GOLIM4: variants seen among roughly 807,000 people sequenced by gnomAD.
GOLIM4 encodes 130 kDa golgi-localized phosphoprotein.
GOLIM4 carries 71 observed loss-of-function variants against 107.4 expected under a neutral mutation model. The observed-to-expected ratio is 0.66, with a 90% CI of 0.55 to 0.81. GOLIM4 has a LOEUF of 0.81. Ranked by LOEUF, GOLIM4 falls within the 30% of genes least tolerant of loss-of-function variation. The pLI, the probability that GOLIM4 is intolerant of heterozygous loss-of-function variation, is 0.00. For missense variants in GOLIM4, 830 were observed against 826.1 expected (o/e 1.00, Z -0.06); for synonymous variants, 327 against 294.8 (o/e 1.11, Z -1.12).
At chr3:168,011,935 A>G (rs1253932548) in intron 14 of GOLIM4, among the ~76,000 whole-genome samples, 16 of 147,776 alleles carry the variant, frequency 1.1e-4, no homozygotes, top group African/African-American at 4.3e-4. Flanking sequence ...AAAACCACAA[A>G]GATGGGGAAA....
chr3:168,085,949 A>C (rs181872880), intron 1 of GOLIM4, among the ~76,000 whole-genome samples: 3 of 152,262 alleles, frequency 2.0e-5, no homozygotes, highest in Admixed American at 2.0e-4. Flanking sequence ...AGCATACTTG[A>C]AGAATTATAG....
At chr3:168,016,869 A>T (rs1206821469) in intron 14 of GOLIM4, among the ~76,000 whole-genome samples, 1 of 140,672 alleles carries the variant, frequency 7.1e-6, no homozygotes, top group Non-Finnish European at 1.5e-5. Context: ...AGGAAGGGGA[A>T]TATTACACTC....
chr3:168,023,175 A>G (rs1717808705), intron 14 of GOLIM4, among the ~76,000 whole-genome samples: 1 of 152,216 alleles, frequency 6.6e-6, no homozygotes, highest in Admixed American at 6.5e-5. Flanking sequence ...TCCCTCAAAG[A>G]TTCCTAGTAT....
At chr3:168,039,705 C>T (rs1012373740) in intron 7 of GOLIM4, among the ~76,000 whole-genome samples, 2 of 152,008 alleles carry the variant, frequency 1.3e-5, no homozygotes, top group Non-Finnish European at 2.9e-5. Flanking sequence ...CATTTATGGC[C>T]GTTACAGCAC....
intron 8 of GOLIM4, among the ~76,000 whole-genome samples, chr3:168,035,101 T>A (rs1286244610): frequency 6.9e-6 from 1 of 144,610 alleles, no homozygotes; most frequent in Non-Finnish European, 1.5e-5. Flanking sequence ...AAAACCACAA[T>A]GAGATATTAT....
At chr3:168,050,127 C>T (rs577659998) in intron 1 of GOLIM4, among the ~76,000 whole-genome samples, 192 of 152,240 alleles carry the variant, frequency 1.3e-3, no homozygotes, top group African/African-American at 4.4e-3. Flanking sequence ...ATGATCCTTT[C>T]CCCCTGCATT....
chr3:168,032,154 A>AT (rs1447753962), intron 9 of GOLIM4, among the ~76,000 whole-genome samples: 1 of 152,110 alleles, frequency 6.6e-6, no homozygotes, highest in Non-Finnish European at 1.5e-5. Flanking sequence ...AGAAAATGAG[A>AT]TTTTTCTCTG....
chr3:168,010,678 C>G, intron 15 of GOLIM4, 65 bp downstream of exon 15: 2 of 1,156,296 alleles, frequency 1.7e-6, no homozygotes, highest in Non-Finnish European at 2.6e-6. Context: ...ACATATATCT[C>G]TCCTATACAC....
chr3:168,016,038 A>C (rs1717344261), intron 14 of GOLIM4, among the ~76,000 whole-genome samples: 1 of 134,170 alleles, frequency 7.5e-6, no homozygotes, highest in South Asian at 2.1e-4. Flanking sequence ...AAAATTGACA[A>C]ATGGGATCTA....
At chr3:168,012,780 A>C (rs1267058935) in intron 14 of GOLIM4, among the ~76,000 whole-genome samples, 3 of 152,158 alleles carry the variant, frequency 2.0e-5, no homozygotes, top group African/African-American at 7.2e-5. Flanking sequence ...TTTCATATCC[A>C]GCCAAACTAA....
chr3:168,077,217 T>A (rs1721120208), intron 1 of GOLIM4, among the ~76,000 whole-genome samples: 1 of 152,242 alleles, frequency 6.6e-6, no homozygotes, highest in African/African-American at 2.4e-5. Flanking sequence ...ACTACTGTAA[T>A]GATACATCCA....
intron 14 of GOLIM4, among the ~76,000 whole-genome samples, chr3:168,022,855 T>C (rs1717787682): frequency 6.6e-6 from 1 of 152,118 alleles, no homozygotes; most frequent in Non-Finnish European, 1.5e-5. Flanking sequence ...TGGGGCCAGG[T>C]GCAGCAAGAG....
At chr3:168,067,836 T>C (rs1481185781) in intron 1 of GOLIM4, among the ~76,000 whole-genome samples, 1 of 151,910 alleles carries the variant, frequency 6.6e-6, no homozygotes, top group Non-Finnish European at 1.5e-5. Context: ...TCATTAAAAA[T>C]TCCCATAAGG....
intron 1 of GOLIM4, among the ~76,000 whole-genome samples, chr3:168,092,150 T>C (rs1448825921): frequency 6.6e-6 from 1 of 152,198 alleles, no homozygotes; most frequent in Non-Finnish European, 1.5e-5. Context: ...CATGGCTCAC[T>C]TGAAAGCAGT....
Position 168,022,982 on chromosome 3 carries a change from C to T in GOLIM4, c.1860+1544G>A, listed in dbSNP as rs563654779. The stretch of plus-strand genomic sequence containing the variant: ...CTCCTCTGTCTTAGCACCATTTCTC[C>T]TTTCCTCTTGCCTCTTTCTTCTCTT... On this transcript the variant is annotated intron_variant, in intron 14 of 15. Coordinates refer to ENST00000470487, the MANE Select transcript of GOLIM4 (RefSeq NM_014498.5). 2.6e-5 allele frequency among the ~76,000 whole-genome samples: 4 copies of T among 152,296 alleles called. No homozygotes were observed. In the East Asian group the frequency reaches 7.7e-4, roughly 29 times the overall value.
At chr3:168,022,296 C>G (rs62273288) in intron 14 of GOLIM4, among the ~76,000 whole-genome samples, 1 of 151,192 alleles carries the variant, frequency 6.6e-6, no homozygotes, top group African/African-American at 2.4e-5. Flanking sequence ...TAGTGGTTAG[C>G]TGGGGCAGCT....
chr3:168,047,942 C>G (rs1054364453), intron 2 of GOLIM4, among the ~76,000 whole-genome samples: 6 of 151,890 alleles, frequency 4.0e-5, no homozygotes, highest in East Asian at 1.9e-4. Context: ...TACTTCCCCC[C>G]CAACCCCAGC....
chr3:168,011,979 A>G (rs1717065285), intron 14 of GOLIM4, among the ~76,000 whole-genome samples: 1 of 148,526 alleles, frequency 6.7e-6, no homozygotes, highest in Non-Finnish European at 1.5e-5. Context: ...CTAAAAAGCA[A>G]AGCGCCTCTC....
At position 168,010,843 on chromosome 3, in the gene GOLIM4, T is replaced by A. The variant is rs892206859; in HGVS notation, c.1861-20A>T. 2 of 1,514,190 alleles carry A rather than the reference T, an allele frequency of 1.3e-6. No individual in the cohort carries two copies. Among genetic ancestry groups the A allele is most frequent in the Admixed American group, 1.7e-5 (1 of 59,826 alleles). 93.8% of individuals were successfully genotyped at this position (1,514,190 alleles called of 1,614,324 possible). A position where few individuals can be genotyped will look rare whatever the true frequency, so the allele number is the denominator to read the frequency against. On this transcript the variant is annotated intron_variant, in intron 14 of 15. Transcript: ENST00000470487. ...CTGAACCTAAAACAAACCACAGATA[T>A]CATTTAAACACTTTTGTCTTTCAAG...
Sources: allele counts gnomAD v4.1 joint callset (sites outside exome capture counted in the v4.1 genomes callset), GRCh38; gene constraint gnomAD v4.1.1; transcripts MANE v1.5; gene names NCBI Gene and HGNC (gene_info 2026-07-23, HGNC 2026-07-21).